Variants in VPS13D observed in about 807,000 individuals in gnomAD.
VPS13D encodes intermembrane lipid transfer protein VPS13D.
A neutral mutation model predicts 461.9 loss-of-function variants in VPS13D; 187 were observed. That is an observed-to-expected ratio of 0.40 (90% confidence interval 0.36 to 0.46). The LOEUF is 0.46. VPS13D is among the 20% of genes least tolerant of loss of function. The pLI, the probability that VPS13D is intolerant of heterozygous loss-of-function variation, is 0.60. For missense variants in VPS13D, 4,711 were observed against 5,364.9 expected (o/e 0.88, Z 3.81); for synonymous variants, 1,951 against 1,986.3 (o/e 0.98, Z 0.47).
intron 60 of VPS13D, among the ~76,000 whole-genome samples, chr1:12,391,656 C>T (rs576360884): frequency 2.2e-4 from 34 of 152,288 alleles, no homozygotes; most frequent in African/African-American, 7.7e-4. Context: ...GTTGGCCAGC[C>T]TGATCTCTGA....
intron 65 of VPS13D, among the ~76,000 whole-genome samples, chr1:12,428,252 G>A (rs1469756260): frequency 1.3e-5 from 2 of 152,166 alleles, no homozygotes; most frequent in Admixed American, 6.5e-5. Context: ...AGGCCTCAGC[G>A]TGTCCTGAAG....
At chr1:12,286,525 C>T (rs1354066607) in intron 21 of VPS13D, among the ~76,000 whole-genome samples, 1 of 152,200 alleles carries the variant, frequency 6.6e-6, no homozygotes, top group Non-Finnish European at 1.5e-5. Context: ...GGATTAGTGC[C>T]TTGTAGAGTG....
rs1011724693 is a variant in VPS13D, at chr1:12,266,053, C to T, written c.1595-828C>T. On this transcript the variant is annotated intron_variant, in intron 13 of 69. Coordinates refer to ENST00000620676, the MANE Select transcript of VPS13D (RefSeq NM_015378.4). Reference sequence around the variant, plus strand: ...TGACATGCTCCTGTAGTCCTAGCTACGTGGCAGACTGAGAGGTAGGAGGAT... The same window carrying T: ...TGACATGCTCCTGTAGTCCTAGCTATGTGGCAGACTGAGAGGTAGGAGGAT... Among the ~76,000 whole-genome samples the T allele has an allele frequency of 1.9e-4, 29 of 152,162 alleles. 1 individual carries two copies. In the Middle Eastern group the frequency reaches 0.01, roughly 54 times the overall value.
chr1:12,479,768 C>T lies in VPS13D; in HGVS notation c.12663-17732C>T, dbSNP rs938480426. Among the ~76,000 whole-genome samples, 35 of 152,224 alleles carry T rather than the reference C, an allele frequency of 2.3e-4. 1 individual carries two copies. The Middle Eastern group carries it at 0.014, about 59-fold the overall frequency. On this transcript the variant is annotated intron_variant, in intron 67 of 69. Coordinates refer to ENST00000620676, the MANE Select transcript of VPS13D (RefSeq NM_015378.4). ...ACCAAGTGTTAGGTCTACTTCCTTT[C>T]GATTCTTGGATATGAAGGGTAGGAG... is the stretch of plus-strand genomic sequence containing the variant.
chr1:12,374,862 C>T (rs1271529023), intron 55 of VPS13D, among the ~76,000 whole-genome samples: 2 of 152,110 alleles, frequency 1.3e-5, no homozygotes, highest in East Asian at 1.9e-4. Context: ...CTCAGCCTCC[C>T]GAGTAGCTGG....
intron 27 of VPS13D, among the ~76,000 whole-genome samples, chr1:12,310,162 T>C (rs1642692930): frequency 6.6e-6 from 1 of 152,210 alleles, no homozygotes; most frequent in Non-Finnish European, 1.5e-5. Flanking sequence ...AGTGTTTCTG[T>C]GCAGATAATT....
chr1:12,426,887 G>A (rs576763863), intron 65 of VPS13D, among the ~76,000 whole-genome samples: 4 of 152,082 alleles, frequency 2.6e-5, no homozygotes, highest in South Asian at 2.1e-4. Context: ...GGTGGCAGGC[G>A]CCTGTAATCC....
Position 12,510,700 on chromosome 1 carries a change from G to T in VPS13D, c.*1676G>T, listed in dbSNP as rs1557488202. On this transcript the variant is annotated 3_prime_UTR_variant, in exon 70 of 70. Coordinates refer to ENST00000620676, the MANE Select transcript of VPS13D (RefSeq NM_015378.4). ...TAGTGGATTGCAGAATGGAAACTTG[G>T]CTTTTGCGGCACTGGGTGAGTTTTA... 1 of 152,348 alleles carries T rather than the reference G, an allele frequency of 6.6e-6. No individual in the cohort carries two copies. The highest frequency in any genetic ancestry group is 6.5e-5 in the Admixed American group (1 of 15,290). The allele number at this position is 152,348 out of a possible 1,614,324, so 9.4% of individuals were successfully genotyped here.
chr1:12,253,595 G>A lies in VPS13D; in HGVS notation c.565-127G>A, dbSNP rs547496462. ...GTAAGAGCAGAAGCATGTTTTAATT[G>A]AGTTATATGTCCACAGCACCTTGCA... On this transcript the variant is annotated intron_variant, in intron 6 of 69. Coordinates refer to ENST00000620676, the MANE Select transcript of VPS13D (RefSeq NM_015378.4). The A allele has an allele frequency of 7.3e-6, 5 of 684,472 alleles. No homozygotes were observed. In the African/African-American group the frequency reaches 9.0e-5, roughly 12 times the overall value. 42.4% of individuals were successfully genotyped at this position (684,472 alleles called of 1,614,324 possible). A position where few individuals can be genotyped will look rare whatever the true frequency, so the allele number is the denominator to read the frequency against.
At chr1:12,474,015 A>T (rs575590578) in intron 67 of VPS13D, among the ~76,000 whole-genome samples, 2 of 152,308 alleles carry the variant, frequency 1.3e-5, no homozygotes, top group South Asian at 4.1e-4. Context: ...TGTCTGCTGT[A>T]AATGATATGC....
At chr1:12,427,240 ATTTTATTAT>A (rs1302441296) in intron 65 of VPS13D, among the ~76,000 whole-genome samples, 90 of 137,774 alleles carry the variant, frequency 6.5e-4, no homozygotes, top group African/African-American at 2.0e-3. Flanking sequence ...TATTGTCATT[ATTTTATTAT>A]TATTATTATT....
At chr1:12,233,131 G>A (rs1185014330) in intron 1 of VPS13D, among the ~76,000 whole-genome samples, 3 of 151,652 alleles carry the variant, frequency 2.0e-5, no homozygotes, top group Non-Finnish European at 4.4e-5. Flanking sequence ...TCAGCCTCCC[G>A]AGTAGCTGGG....
chr1:12,242,671 A>G lies in VPS13D; in HGVS notation c.175+81A>G, dbSNP rs1253553386. On this transcript the variant is annotated intron_variant, in intron 3 of 69. Transcript: ENST00000620676. The stretch of plus-strand genomic sequence containing the variant: ...GAAAACTGAGAGCCCTGGAGTTTGT[A>G]TTGATTTGGCCAGTTAGAGGAAGGA... 3 of 1,287,852 alleles carry G rather than the reference A, an allele frequency of 2.3e-6. No homozygotes were observed. The African/African-American group carries it at 4.4e-5, about 19-fold the overall frequency. 79.8% of individuals were successfully genotyped at this position (1,287,852 alleles called of 1,614,324 possible). A position where few individuals can be genotyped will look rare whatever the true frequency, so the allele number is the denominator to read the frequency against.
intron 34 of VPS13D, among the ~76,000 whole-genome samples, 171 bp from the exon 35 acceptor site, chr1:12,323,535 G>T (rs1643099891): frequency 6.6e-6 from 1 of 151,886 alleles, no homozygotes; most frequent in South Asian, 2.1e-4. Context: ...GAGACTCAAA[G>T]ATTTCAGGGT....
chr1:12,490,230 G>A (rs1172190464), intron 67 of VPS13D, among the ~76,000 whole-genome samples: 1 of 152,282 alleles, frequency 6.6e-6, no homozygotes, highest in East Asian at 1.9e-4. Flanking sequence ...TGGATCCTTA[G>A]TCAGTAATTC....
At chr1:12,377,130 G>T (rs1343763572) in intron 55 of VPS13D, among the ~76,000 whole-genome samples, 1 of 151,538 alleles carries the variant, frequency 6.6e-6, no homozygotes, top group Non-Finnish European at 1.5e-5. Context: ...CGCAATCTTG[G>T]CTCACTGCAA....
intron 59 of VPS13D, among the ~76,000 whole-genome samples, chr1:12,385,918 G>A (rs747995851): frequency 5.9e-5 from 9 of 152,160 alleles, no homozygotes; most frequent in South Asian, 2.1e-4. Context: ...ATAATGAAAT[G>A]CAGAATGTCA....
In VPS13D at chr1:12,276,398, G is replaced by A. The variant is rs745562990; in HGVS notation, c.2810G>A (p.Ser937Asn). ...LQDSVMNLTQ[S>N]IVLLEQHTRE... Reference sequence around the variant, plus strand: ...GACTCCGTAATGAATTTAACCCAGAGCATTGTGTTGTTGGAGCAGCATACC... The same window carrying A: ...GACTCCGTAATGAATTTAACCCAGAACATTGTGTTGTTGGAGCAGCATACC... The change falls in exon 19 of 70, where the codon AGC becomes AAC. Residue 937 changes from serine (S) to asparagine (N), a missense_variant. Ser to Asn is a conservative substitution (Grantham distance 46). This residue lies in a region of VPS13D where 4,411 missense variants were observed against 4,937.8 expected (regional missense o/e 0.89). Transcript: ENST00000620676. The surrounding 1 kb of genome is among the most constrained non-coding windows in gnomAD (Gnocchi z 4.5). The A allele has an allele frequency of 2.5e-6, 4 of 1,614,166 alleles. No homozygotes were observed. Among genetic ancestry groups the A allele is most frequent in the Non-Finnish European group, 3.4e-6 (4 of 1,180,036 alleles).
chr1:12,360,172 G>C (rs181863844), intron 50 of VPS13D, among the ~76,000 whole-genome samples: 1 of 152,312 alleles, frequency 6.6e-6, no homozygotes, highest in African/African-American at 2.4e-5. Flanking sequence ...TTTAAGTTTT[G>C]TTGATCCACC....
Sources: gnomAD v4.1 joint callset for allele counts (sites outside exome capture counted in the v4.1 genomes callset) on GRCh38, gnomAD v4.1.1 for gene constraint, gnomAD v4.1.1 regional missense constraint, Gnocchi (gnomAD v3.1) non-coding constraint, MANE v1.5 for transcripts, NCBI Gene and HGNC (gene_info 2026-07-23, HGNC 2026-07-21) for gene names.